Variants in ARID2 observed in about 807,000 individuals in gnomAD.
ARID2 encodes AT-rich interactive domain-containing protein 2.
A neutral mutation model predicts 184.6 loss-of-function variants in ARID2; 32 were observed. That is an observed-to-expected ratio of 0.17 (90% CI 0.13 to 0.23). The LOEUF is 0.23. ARID2 is among the 10% of genes least tolerant of loss of function. The pLI, the probability that ARID2 is intolerant of heterozygous loss-of-function variation, is 1.00. For synonymous variants in ARID2, 836 were observed against 772.6 expected (o/e 1.08, Z -1.36); for missense variants, 1,696 against 2,197.6 (o/e 0.77, Z 4.56).
chr12:45,772,379 CAGTAG>C (rs1330779525), intron 3 of ARID2, among the ~76,000 whole-genome samples: 1 of 151,998 alleles, frequency 6.6e-6, no homozygotes, highest in Non-Finnish European at 1.5e-5. Flanking sequence ...TGCTTGAGCC[CAGTAG>C]TTAAGAGCCA....
At chr12:45,897,846 T>G (rs1048094832) in intron 20 of ARID2, among the ~76,000 whole-genome samples, 2 of 146,048 alleles carry the variant, frequency 1.4e-5, no homozygotes, top group Non-Finnish European at 3.0e-5. Context: ...GTTTTTGAGG[T>G]TTTTTTTTTT....
At chr12:45,730,906 G>C (rs1400812343) in intron 2 of ARID2, among the ~76,000 whole-genome samples, 1 of 143,516 alleles carries the variant, frequency 7.0e-6, no homozygotes, top group Non-Finnish European at 1.5e-5. Flanking sequence ...AGTGTAAACG[G>C]ACCGCGTTGA....
intron 8 of ARID2, 149 bp from the exon 9 acceptor site, chr12:45,837,172 G>T: frequency 9.0e-7 from 1 of 1,105,456 alleles, no homozygotes; most frequent in Non-Finnish European, 1.3e-6. Context: ...TATTTGAAAT[G>T]ATGCTTTAAA....
intron 15 of ARID2, among the ~76,000 whole-genome samples, chr12:45,858,313 A>G (rs1037521448): frequency 6.6e-6 from 1 of 152,064 alleles, no homozygotes; most frequent in Non-Finnish European, 1.5e-5. Flanking sequence ...GTGAACTGTG[A>G]TCACGCCATT....
chr12:45,884,704 G>A (rs1188481773), intron 16 of ARID2, among the ~76,000 whole-genome samples: 1 of 152,088 alleles, frequency 6.6e-6, no homozygotes, highest in Admixed American at 6.5e-5. Flanking sequence ...CAGAACTGAG[G>A]GCAGTTGGTT....
At chr12:45,771,013 C>T (rs1158035159) in intron 3 of ARID2, among the ~76,000 whole-genome samples, 1 of 152,122 alleles carries the variant, frequency 6.6e-6, no homozygotes, top group Non-Finnish European at 1.5e-5. Flanking sequence ...AAGGAAGTTA[C>T]TTGGACTGAA....
chr12:45,846,049 C>T (rs1490403346), intron 11 of ARID2: 2 of 152,108 alleles, frequency 1.3e-5, no homozygotes, highest in Non-Finnish European at 2.9e-5. Flanking sequence ...CTACAGATCT[C>T]TTCAACATGT....
In ARID2 at chr12:45,821,524, T is replaced by A. The variant is rs771947898; in HGVS notation, c.705+37T>A. 3.0e-6 allele frequency: 4 copies of A among 1,331,942 alleles called. No homozygotes were observed. The South Asian group carries it at 6.7e-5, about 22-fold the overall frequency. The allele number at this position is 1,331,942 out of a possible 1,614,324, so 82.5% of individuals were successfully genotyped here. ...TAATTAAAATGTTGATTCATTGAGT[T>A]ACATGCAGCTAAGCCAACAATAGAT... On this transcript the variant is annotated intron_variant, in intron 6 of 20. Transcript: ENST00000334344.
At chr12:45,770,046 A>T (rs1014731138) in intron 3 of ARID2, among the ~76,000 whole-genome samples, 1 of 152,048 alleles carries the variant, frequency 6.6e-6, no homozygotes, top group African/African-American at 2.4e-5. Context: ...CGAGGTCAGG[A>T]GATCGAGACC....
intron 5 of ARID2, 125 bp from the exon 6 acceptor site, chr12:45,821,295 A>G: frequency 2.1e-6 from 1 of 486,208 alleles, no homozygotes. Flanking sequence ...ACTATAAAAT[A>G]ATTTTTAGTA....
chr12:45,758,375 C>T (rs1011228977), intron 3 of ARID2, among the ~76,000 whole-genome samples: 2 of 151,290 alleles, frequency 1.3e-5, no homozygotes, highest in Admixed American at 6.6e-5. Context: ...TTTGTGCGAT[C>T]GATTTTTTTT....
chr12:45,782,093 A>T (rs10880857), intron 3 of ARID2, among the ~76,000 whole-genome samples: 39,642 of 151,732 alleles, frequency 0.26, 5,553 homozygotes, highest in East Asian at 0.3. Flanking sequence ...AGTTTTTTTT[A>T]AAAAAGAGAG....
At chr12:45,830,397 ATTGGGGAG>A (rs1943093836) in intron 6 of ARID2, among the ~76,000 whole-genome samples, 1 of 152,172 alleles carries the variant, frequency 6.6e-6, no homozygotes, top group East Asian at 1.9e-4. Flanking sequence ...ATCAATGGAG[ATTGGGGAG>A]TAGGCCAGTG....
At chr12:45,806,472 T>A (rs1345984310) in intron 3 of ARID2, among the ~76,000 whole-genome samples, 1 of 152,164 alleles carries the variant, frequency 6.6e-6, no homozygotes, top group African/African-American at 2.4e-5. Flanking sequence ...CCTATAGGAC[T>A]ACTGGTTTTA....
chr12:45,812,911 A>G (rs1438733613), intron 4 of ARID2, among the ~76,000 whole-genome samples: 2 of 152,100 alleles, frequency 1.3e-5, no homozygotes, highest in East Asian at 1.9e-4. Context: ...CCAAACAAAC[A>G]CTTTTCTATG....
chr12:45,900,218 G>T (rs551814054), intron 20 of ARID2, among the ~76,000 whole-genome samples: 51 of 151,992 alleles, frequency 3.4e-4, no homozygotes, highest in Non-Finnish European at 6.0e-4. Context: ...CCACTACTAC[G>T]CCTGGCTAAT....
chr12:45,809,723 C>G (rs1180226657), intron 3 of ARID2, among the ~76,000 whole-genome samples: 1 of 152,030 alleles, frequency 6.6e-6, no homozygotes, highest in African/African-American at 2.4e-5. Context: ...GTTTCTTGCT[C>G]AAATTAGGCT....
intron 3 of ARID2, among the ~76,000 whole-genome samples, chr12:45,790,574 A>G (rs908786743): frequency 6.6e-6 from 1 of 152,060 alleles, no homozygotes; most frequent in Non-Finnish European, 1.5e-5. Context: ...TTCTTATTTT[A>G]TGTTTGCTGT....
At chr12:45,849,903 A>G (rs1377632911) in intron 14 of ARID2, 127 bp downstream of exon 14, 3 of 1,413,934 alleles carry the variant, frequency 2.1e-6, no homozygotes, top group Non-Finnish European at 2.8e-6. Flanking sequence ...TACTTGGTCT[A>G]TTACCATATT....
Sources: gnomAD v4.1 joint callset for allele counts (sites outside exome capture counted in the v4.1 genomes callset) on GRCh38, gnomAD v4.1.1 for gene constraint, MANE v1.5 for transcripts, NCBI Gene and HGNC (gene_info 2026-07-23, HGNC 2026-07-21) for gene names.